Variants in ATP11B observed in about 807,000 individuals in gnomAD.
ATP11B encodes the protein phospholipid-transporting ATPase IF.
A neutral mutation model predicts 157.8 loss-of-function variants in ATP11B; 81 were observed. The observed-to-expected ratio is 0.51, with a 90% CI of 0.43 to 0.62. ATP11B has a LOEUF of 0.62. Ranked by LOEUF, ATP11B falls within the 20% of genes least tolerant of loss-of-function variation. ATP11B has a pLI of 0.00. For missense variants in ATP11B, 1,165 were observed against 1,402.2 expected (o/e 0.83, Z 2.70); for synonymous variants, 451 against 469.4 (o/e 0.96, Z 0.51).
Position 182,908,098 on chromosome 3 carries a change from A to G in ATP11B, c.3319-5763A>G, listed in dbSNP as rs75313235. Among the ~76,000 whole-genome samples the G allele has an allele frequency of 4.0e-3, 613 of 152,230 alleles. 2 individuals carry two copies. The highest frequency in any genetic ancestry group is 0.014 in the African/African-American group (597 of 41,538). Reference sequence around the variant, plus strand: ...GTTATTTATGTAACCAGTAGAATACATTAAAACAAAAGGCCCTTAGTCCTC... The same window carrying G: ...GTTATTTATGTAACCAGTAGAATACGTTAAAACAAAAGGCCCTTAGTCCTC... On this transcript the variant is annotated intron_variant, in intron 28 of 29. Coordinates refer to ENST00000323116, the MANE Select transcript of ATP11B (RefSeq NM_014616.3).
chr3:182,917,194 A>T, intron 29 of ATP11B: 1 of 985,374 alleles, frequency 1.0e-6, no homozygotes, highest in Non-Finnish European at 1.2e-6. Flanking sequence ...GGAAGGTGGG[A>T]ACCCTGGAAA....
chr3:182,891,209 TAAG>T (rs1210725120), intron 25 of ATP11B, among the ~76,000 whole-genome samples: 3 of 152,024 alleles, frequency 2.0e-5, no homozygotes, highest in Middle Eastern at 3.2e-3. Flanking sequence ...CGGACAGAAT[TAAG>T]AGGGGAGGAG....
chr3:182,824,441 T>G (rs1393660894), intron 2 of ATP11B, among the ~76,000 whole-genome samples: 2 of 152,218 alleles, frequency 1.3e-5, no homozygotes, highest in African/African-American at 4.8e-5. Context: ...TTCTTCCATT[T>G]GCAATTTTTT....
intron 19 of ATP11B, among the ~76,000 whole-genome samples, chr3:182,878,265 C>G (rs1011594958): frequency 5.9e-5 from 9 of 152,174 alleles, no homozygotes; most frequent in Non-Finnish European, 1.0e-4. Context: ...AGACTAAAAT[C>G]TATCAATATA....
intron 3 of ATP11B, among the ~76,000 whole-genome samples, 187 bp from the exon 4 acceptor site, chr3:182,829,485 C>T (rs1717966917): frequency 6.6e-6 from 1 of 152,170 alleles, no homozygotes; most frequent in African/African-American, 2.4e-5. Flanking sequence ...TGAGTCCAGT[C>T]TAGCCATGTA....
intron 12 of ATP11B, among the ~76,000 whole-genome samples, chr3:182,861,978 G>T (rs1720875752): frequency 6.6e-6 from 1 of 151,458 alleles, no homozygotes; most frequent in South Asian, 2.1e-4. Flanking sequence ...GGGCTCAGTG[G>T]CTCATGCCTG....
Position 182,898,619 on chromosome 3 carries a change from C to T in ATP11B, c.3165C>T (p.Gly1055=), listed in dbSNP as rs1275306035. The T allele has an allele frequency of 3.1e-6, 5 of 1,591,506 alleles. No homozygotes were observed. The highest frequency in any genetic ancestry group is 4.3e-6 in the Non-Finnish European group (5 of 1,170,462). The change falls in exon 28 of 30, where the codon GGC becomes GGT. Residue 1055 remains glycine (G), a synonymous_variant. Transcript: ENST00000323116. The part of the protein sequence containing the change: ...FYGGILWPFL[G]SQNMYFVFIQ... ...TCTTTCTTTGCAGGCCATTTTTGGG[C>T]TCCCAGAATATGTATTTTGTGTTTA...
chr3:182,914,619 T>C, intron 29 of ATP11B: 1 of 985,402 alleles, frequency 1.0e-6, no homozygotes, highest in Non-Finnish European at 1.2e-6. Context: ...GCTTTTTAAA[T>C]TATGGAGTAA....
intron 29 of ATP11B, chr3:182,915,760 A>G (rs1725099333): frequency 1.0e-6 from 1 of 985,094 alleles, no homozygotes. Flanking sequence ...CCTCTTTTGA[A>G]CCTGCCCCAG....
At chr3:182,810,467 GCGTAGACA>G (rs1716591226) in intron 1 of ATP11B, among the ~76,000 whole-genome samples, 1 of 151,028 alleles carries the variant, frequency 6.6e-6, no homozygotes, top group Non-Finnish European at 1.5e-5. Context: ...TCTTTACCCT[GCGTAGACA>G]TGCTTTACTT....
At chr3:182,820,678 A>AATT (rs1287749162) in intron 2 of ATP11B, among the ~76,000 whole-genome samples, 1 of 152,212 alleles carries the variant, frequency 6.6e-6, no homozygotes, top group Non-Finnish European at 1.5e-5. Context: ...CAAAAAAAAA[A>AATT]ATTATTATTA....
intron 8 of ATP11B, chr3:182,844,604 A>G (rs966447719): frequency 1.0e-6 from 1 of 965,456 alleles, no homozygotes; most frequent in African/African-American, 1.8e-5. Flanking sequence ...GCAAGTAGTC[A>G]AGTTATACTG....
chr3:182,918,662 C>A lies in ATP11B; in HGVS notation c.*558C>A. 3.3e-6 allele frequency: 1 copy of A among 303,484 alleles called. No individual in the cohort carries two copies. Among genetic ancestry groups the A allele is most frequent in the East Asian group, 5.3e-5 (1 of 18,902 alleles). 18.8% of individuals were successfully genotyped at this position (303,484 alleles called of 1,614,324 possible). A position where few individuals can be genotyped will look rare whatever the true frequency, so the allele number is the denominator to read the frequency against. On this transcript the variant is annotated 3_prime_UTR_variant, in exon 30 of 30. Coordinates refer to ENST00000323116, the MANE Select transcript of ATP11B (RefSeq NM_014616.3). ...ATTAATGCATTCTGAGTTCACAGAG[C>A]AAATTAGGAGAATCATTTCCAACCA... is the stretch of plus-strand genomic sequence containing the variant.
chr3:182,911,250 C>T (rs890589530), intron 28 of ATP11B, among the ~76,000 whole-genome samples: 2 of 109,596 alleles, frequency 1.8e-5, no homozygotes, highest in Admixed American at 9.5e-5. Flanking sequence ...TCTTTTCCCC[C>T]CCATCTCCTG....
chr3:182,813,840 G>A (rs1026002748), intron 1 of ATP11B, among the ~76,000 whole-genome samples: 8 of 151,824 alleles, frequency 5.3e-5, no homozygotes, highest in Admixed American at 6.6e-5. Context: ...TGACCCTCCT[G>A]CGTCAGCCTC....
intron 20 of ATP11B, 103 bp from the exon 21 acceptor site, chr3:182,880,776 T>G: frequency 1.8e-6 from 1 of 550,116 alleles, no homozygotes; most frequent in Non-Finnish European, 3.0e-6. Flanking sequence ...ATTAAATATT[T>G]CTTTCATTAG....
At chr3:182,819,207 T>G (rs1242591797) in intron 1 of ATP11B, among the ~76,000 whole-genome samples, 1 of 151,648 alleles carries the variant, frequency 6.6e-6, no homozygotes, top group Non-Finnish European at 1.5e-5. Context: ...TAGCTGGGAC[T>G]ACAGGCGCCC....
chr3:182,848,822 C>G (rs200146510), intron 10 of ATP11B, among the ~76,000 whole-genome samples: 1 of 151,794 alleles, frequency 6.6e-6, no homozygotes, highest in African/African-American at 2.4e-5. Context: ...GATAACAGTT[C>G]TAAAACTGAA....
At chr3:182,867,609 A>C (rs1721347710) in intron 15 of ATP11B, among the ~76,000 whole-genome samples, 165 bp downstream of exon 15, 1 of 139,046 alleles carries the variant, frequency 7.2e-6, no homozygotes, top group Non-Finnish European at 1.5e-5. Flanking sequence ...TTTGAGACAG[A>C]ATCTTGCTCT....
Sources: allele counts gnomAD v4.1 joint callset (sites outside exome capture counted in the v4.1 genomes callset), GRCh38; gene constraint gnomAD v4.1.1; transcripts MANE v1.5; gene names NCBI Gene and HGNC (gene_info 2026-07-23, HGNC 2026-07-21).